TIAM1: variants seen among roughly 807,000 people sequenced by gnomAD.
TIAM1 encodes the protein TIAM Rac1 associated GEF 1.
Under a neutral mutation model 163.5 loss-of-function variants are expected in TIAM1, and 65 were observed. That is an observed-to-expected ratio of 0.40 (90% confidence interval 0.33 to 0.49). The LOEUF is 0.49. Ranked by LOEUF, TIAM1 falls within the 20% of genes least tolerant of loss-of-function variation. The pLI, the probability that TIAM1 is intolerant of heterozygous loss-of-function variation, is 0.77. For synonymous variants in TIAM1, 833 were observed against 810.1 expected (o/e 1.03, Z -0.48); for missense variants, 1,789 against 2,044.7 (o/e 0.87, Z 2.41).
intron 27 of TIAM1, among the ~76,000 whole-genome samples, chr21:31,121,884 G>A (rs73347736): frequency 0.14 from 21,759 of 152,178 alleles, 2,069 homozygotes; most frequent in African/African-American, 0.27. Context: ...AGAGTGAAGC[G>A]GTTGTTGCAT....
At chr21:31,449,225 A>T (rs1002013549) in intron 2 of TIAM1, among the ~76,000 whole-genome samples, 1 of 152,092 alleles carries the variant, frequency 6.6e-6, no homozygotes, top group Non-Finnish European at 1.5e-5. Flanking sequence ...GTTGTTTCCC[A>T]AAGTGCTGGG....
chr21:31,340,191 T>C (rs1224431384), intron 1 of TIAM1, among the ~76,000 whole-genome samples: 1 of 151,268 alleles, frequency 6.6e-6, no homozygotes, highest in Non-Finnish European at 1.5e-5. Flanking sequence ...ACTAGATGCA[T>C]AAATAAATGC....
At chr21:31,360,644 T>C (rs1393176203) in intron 2 of TIAM1, among the ~76,000 whole-genome samples, 3 of 152,184 alleles carry the variant, frequency 2.0e-5, no homozygotes, top group African/African-American at 7.2e-5. Context: ...CTCATGCAAC[T>C]GACAAGGAGA....
chr21:31,430,221 A>ATATATATAT (rs1188059548), intron 2 of TIAM1, among the ~76,000 whole-genome samples: 5 of 104,810 alleles, frequency 4.8e-5, no homozygotes, highest in African/African-American at 2.2e-4. Flanking sequence ...AAAAAAAAAA[A>ATATATATAT]AAAAATATAT....
At chr21:31,121,620 C>T (rs1427677871) in intron 27 of TIAM1, among the ~76,000 whole-genome samples, 1 of 152,170 alleles carries the variant, frequency 6.6e-6, no homozygotes, top group East Asian at 1.9e-4. Context: ...ATCACTCATT[C>T]TTCTCCAAAG....
chr21:31,516,198 G>A (rs1464077067), intron 1 of TIAM1, among the ~76,000 whole-genome samples: 2 of 151,632 alleles, frequency 1.3e-5, no homozygotes, highest in Admixed American at 6.6e-5. Flanking sequence ...GATCACCTGA[G>A]GCCAGGAGTT....
intron 2 of TIAM1, among the ~76,000 whole-genome samples, chr21:31,283,454 A>T (rs540287125): frequency 1.4e-4 from 22 of 152,348 alleles, no homozygotes; most frequent in African/African-American, 4.3e-4. Context: ...TTCTCAGGAC[A>T]CACCATGAGA....
intron 23 of TIAM1, among the ~76,000 whole-genome samples, chr21:31,135,373 G>A (rs779720968): frequency 1.4e-4 from 21 of 152,164 alleles, no homozygotes; most frequent in Admixed American, 3.9e-4. Context: ...TAAGTCATTC[G>A]CAAACATCTC....
intron 5 of TIAM1, among the ~76,000 whole-genome samples, chr21:31,246,642 T>C (rs1479969828): frequency 1.3e-5 from 2 of 152,202 alleles, no homozygotes; most frequent in African/African-American, 4.8e-5. Context: ...AATGGGAATC[T>C]GTCAAGCAAA....
chr21:31,165,100 C>G, intron 15 of TIAM1, 35 bp from the exon 16 acceptor site: 1 of 1,606,128 alleles, frequency 6.2e-7, no homozygotes, highest in Non-Finnish European at 8.5e-7. Flanking sequence ...TGTGGGTCAA[C>G]ATGGACAGTA....
intron 2 of TIAM1, among the ~76,000 whole-genome samples, chr21:31,428,213 C>A (rs1324595654): frequency 6.6e-6 from 1 of 152,152 alleles, no homozygotes; most frequent in Non-Finnish European, 1.5e-5. Flanking sequence ...CGAGATCACA[C>A]CATTGCACTC....
chr21:31,338,849 G>A (rs1602032886), intron 2 of TIAM1, among the ~76,000 whole-genome samples: 2 of 152,164 alleles, frequency 1.3e-5, no homozygotes, highest in South Asian at 4.2e-4. Context: ...CGCATTGAAA[G>A]TGATGTGAAC....
rs142914355 is a variant in TIAM1, at chr21:31,202,974, C to G, written c.2427G>C (p.Leu809=). Residue 809 remains leucine (L), a synonymous_variant, in exon 12 of 28, where the codon CTG becomes CTC. Coordinates refer to ENST00000541036, the MANE Select transcript of TIAM1 (RefSeq NM_001353694.2). ...QLDHSAHYLR[L]KFLIENKMQL... ...GCATTTTGTTTTCTATTAGAAATTTCAGGCGCAGGTAATGAGCAGAATGAT... is the reference window on the plus strand; with the variant it reads ...GCATTTTGTTTTCTATTAGAAATTTGAGGCGCAGGTAATGAGCAGAATGAT... The G allele has an allele frequency of 3.7e-5, 60 of 1,614,030 alleles. No homozygotes were observed. In the East Asian group the frequency reaches 1.0e-3, roughly 28 times the overall value.
intron 2 of TIAM1, among the ~76,000 whole-genome samples, chr21:31,394,700 T>TCTCTCG (rs1555967002): frequency 2.2e-5 from 2 of 92,472 alleles, no homozygotes; most frequent in African/African-American, 9.6e-5. Flanking sequence ...TCTCTCTCTC[T>TCTCTCG]CTCTCTCGCT....
intron 4 of TIAM1, among the ~76,000 whole-genome samples, chr21:31,265,040 C>T (rs911777359): frequency 1.3e-5 from 2 of 152,140 alleles, no homozygotes; most frequent in African/African-American, 4.8e-5. Context: ...CAGAGTCTCA[C>T]TATGTTGCCC....
chr21:31,362,478 T>TATTATA (rs944079739), intron 2 of TIAM1, among the ~76,000 whole-genome samples: 5 of 142,780 alleles, frequency 3.5e-5, no homozygotes, highest in East Asian at 2.0e-4. Context: ...TTATTATTAT[T>TATTATA]ATATTTGAGA....
chr21:31,140,380 G>A (rs2082793986), intron 22 of TIAM1, among the ~76,000 whole-genome samples: 1 of 152,174 alleles, frequency 6.6e-6, no homozygotes, highest in South Asian at 2.1e-4. Flanking sequence ...CAGAGGCATT[G>A]ACGAATGTTA....
intron 4 of TIAM1, among the ~76,000 whole-genome samples, chr21:31,253,004 T>G (rs762146002): frequency 2.0e-5 from 3 of 152,230 alleles, no homozygotes; most frequent in Non-Finnish European, 4.4e-5. Context: ...CAGTTCCCAG[T>G]TTAAAAACAT....
intron 6 of TIAM1, among the ~76,000 whole-genome samples, chr21:31,228,014 T>C (rs1476032693): frequency 6.6e-6 from 1 of 151,024 alleles, no homozygotes; most frequent in Non-Finnish European, 1.5e-5. Context: ...GTGATTCTCC[T>C]GCCTCAGCCT....
Sources: gnomAD v4.1 joint callset for allele counts (sites outside exome capture counted in the v4.1 genomes callset) on GRCh38, gnomAD v4.1.1 for gene constraint, MANE v1.5 for transcripts, NCBI Gene and HGNC (gene_info 2026-07-23, HGNC 2026-07-21) for gene names.